Variants in EMC2 observed in about 807,000 individuals in gnomAD.
The protein encoded by EMC2 is TPR repeat protein 35.
In EMC2, 37 loss-of-function variants were observed where a neutral mutation model predicts 51.6. The ratio of observed to expected loss-of-function variants is 0.72; its 90% CI spans 0.55 to 0.94. The LOEUF is 0.94. EMC2 is among the 40% of genes least tolerant of loss of function. The probability of loss-of-function intolerance (pLI) is 0.00; values close to 1 mark genes in which losing one functional copy is unlikely to be tolerated. For missense variants in EMC2, 359 were observed against 350.9 expected (o/e 1.02, Z -0.18); for synonymous variants, 131 against 112.4 (o/e 1.17, Z -1.04).
In EMC2 at chr8:108,488,265, G is replaced by A. The variant is rs1291847573; in HGVS notation, c.*1667G>A. On this transcript the variant is annotated 3_prime_UTR_variant, in exon 11 of 11. Transcript: ENST00000220853. ...CTGCAACCTCCTCCCGGGTTCAAGCGATTCTTGTGCCTCAGCCTCTGAGTA... is the reference window on the plus strand; with the variant it reads ...CTGCAACCTCCTCCCGGGTTCAAGCAATTCTTGTGCCTCAGCCTCTGAGTA... Among the ~76,000 whole-genome samples the A allele has an allele frequency of 1.3e-5, 2 of 151,276 alleles. No homozygotes were observed. The highest frequency in any genetic ancestry group is 2.9e-5 in the Non-Finnish European group (2 of 67,858).
intron 10 of EMC2, among the ~76,000 whole-genome samples, chr8:108,479,594 T>C (rs1399026078): frequency 6.6e-6 from 1 of 152,186 alleles, no homozygotes; most frequent in East Asian, 1.9e-4. Context: ...AAGTTCGTCC[T>C]TAGCAGATTT....
chr8:108,486,503 TTTAA>T lies in EMC2; in HGVS notation c.808-5_808-2del. On this transcript the variant is annotated splice_polypyrimidine_tract_variant and splice_region_variant and intron_variant, in intron 10 of 10. Coordinates refer to ENST00000220853, the MANE Select transcript of EMC2 (RefSeq NM_014673.5). ...CCTAATTGAGCTTTTTTTTTTTTTT[TTTAA>T]TTAGTTTGCAGGTCGAAGTAAGAAG... The T allele has an allele frequency of 6.5e-7, 1 of 1,550,342 alleles. No homozygotes were observed. The highest frequency in any genetic ancestry group is 8.6e-7 in the Non-Finnish European group (1 of 1,156,702).
intron 5 of EMC2, among the ~76,000 whole-genome samples, chr8:108,457,565 C>T (rs977374652): frequency 2.0e-5 from 3 of 152,118 alleles, no homozygotes; most frequent in Admixed American, 6.6e-5. Context: ...TAGATGACAG[C>T]AGGCAAAGAG....
intron 5 of EMC2, among the ~76,000 whole-genome samples, chr8:108,465,727 A>G (rs2130377900): frequency 6.6e-6 from 1 of 152,360 alleles, no homozygotes; most frequent in Middle Eastern, 3.4e-3. Flanking sequence ...TTGGCTAAAA[A>G]TCTTCTAAAC....
At chr8:108,485,560 C>T (rs1811123975) in intron 10 of EMC2, among the ~76,000 whole-genome samples, 2 of 139,238 alleles carry the variant, frequency 1.4e-5, no homozygotes, top group Admixed American at 1.5e-4. Flanking sequence ...TATATACACA[C>T]ACACACACAT....
intron 5 of EMC2, among the ~76,000 whole-genome samples, chr8:108,457,401 C>T (rs1023824018): frequency 6.7e-6 from 1 of 149,406 alleles, no homozygotes; most frequent in East Asian, 2.0e-4. Flanking sequence ...TTCATGCTGT[C>T]TATGTATTAG....
At chr8:108,444,237 C>T (rs1265428916) in intron 1 of EMC2, among the ~76,000 whole-genome samples, 5 of 152,174 alleles carry the variant, frequency 3.3e-5, no homozygotes, top group African/African-American at 1.2e-4. Context: ...TTAGTCTAGT[C>T]TCTGTCCCAC....
Position 108,475,914 on chromosome 8 carries a change from T to A in EMC2, c.542T>A (p.Leu181Gln). The A allele has an allele frequency of 6.2e-7, 1 of 1,601,410 alleles. No individual in the cohort carries two copies. Among genetic ancestry groups the A allele is most frequent in the Non-Finnish European group, 8.5e-7 (1 of 1,173,218 alleles). ...YAKAAFCLEE[L>Q]MMTNPHNHLY... ...AAAGCAGCCTTTTGTTTAGAGGAAC[T>A]AATGATGACTAATCCACACAACCAC... Residue 181 changes from leucine (L) to glutamine (Q), a missense_variant, in exon 8 of 11, where the codon CTA becomes CAA. Physicochemically the swap from Leu to Gln is moderately radical, Grantham distance 113. Coordinates refer to ENST00000220853, the MANE Select transcript of EMC2 (RefSeq NM_014673.5).
intron 7 of EMC2, among the ~76,000 whole-genome samples, chr8:108,472,005 C>CGA (rs1810866754): frequency 6.6e-6 from 1 of 151,780 alleles, no homozygotes. Flanking sequence ...TTCATTTTTA[C>CGA]GAGCTCTTTT....
At chr8:108,471,281 G>A (rs1264988599) in intron 7 of EMC2, among the ~76,000 whole-genome samples, 2 of 151,834 alleles carry the variant, frequency 1.3e-5, no homozygotes, top group East Asian at 3.9e-4. Flanking sequence ...TTAGAGTATA[G>A]TAAAAATAAT....
chr8:108,456,848 C>T (rs1285926083), intron 5 of EMC2, among the ~76,000 whole-genome samples: 1 of 152,122 alleles, frequency 6.6e-6, no homozygotes, highest in Admixed American at 6.5e-5. Context: ...TATTTCCACG[C>T]ACACATATGC....
chr8:108,444,396 C>T (rs1422734442), intron 1 of EMC2, among the ~76,000 whole-genome samples: 1 of 152,100 alleles, frequency 6.6e-6, no homozygotes, highest in African/African-American at 2.4e-5. Flanking sequence ...CTTAGTTGAT[C>T]TAGAGTGGGA....
chr8:108,459,703 T>TGAGAGAGA (rs71303985), intron 5 of EMC2, among the ~76,000 whole-genome samples: 25,765 of 125,810 alleles, frequency 0.2, 2,991 homozygotes, highest in East Asian at 0.27. Context: ...CCAAGCCATG[T>TGAGAGAGA]GAGAGAGAGA....
intron 10 of EMC2, among the ~76,000 whole-genome samples, chr8:108,481,955 TG>T (rs1270864063): frequency 6.6e-6 from 1 of 152,246 alleles, no homozygotes; most frequent in Non-Finnish European, 1.5e-5. Context: ...ATTTTCTGTT[TG>T]GGCTATTTTG....
intron 10 of EMC2, among the ~76,000 whole-genome samples, chr8:108,483,469 T>G (rs1184731435): frequency 6.6e-6 from 1 of 152,220 alleles, no homozygotes; most frequent in Non-Finnish European, 1.5e-5. Flanking sequence ...GCTATAACTT[T>G]GTATAAATGA....
At chr8:108,473,402 T>G (rs1297782513) in intron 7 of EMC2, among the ~76,000 whole-genome samples, 2 of 152,046 alleles carry the variant, frequency 1.3e-5, no homozygotes, top group Non-Finnish European at 2.9e-5. Context: ...TTGGGATTTT[T>G]GCGTTAGGGA....
intron 5 of EMC2, among the ~76,000 whole-genome samples, chr8:108,462,631 C>T (rs1819356643): frequency 6.6e-6 from 1 of 152,176 alleles, no homozygotes; most frequent in Non-Finnish European, 1.5e-5. Context: ...CATATCCTGC[C>T]ACGTGGTATA....
chr8:108,473,941 T>C (rs373386546), intron 7 of EMC2: 1 of 152,062 alleles, frequency 6.6e-6, no homozygotes, highest in Admixed American at 6.6e-5. Flanking sequence ...GTACTGGCTA[T>C]GTATTATCCC....
At chr8:108,469,665 A>C (rs931366630) in intron 5 of EMC2, among the ~76,000 whole-genome samples, 161 bp from the exon 6 acceptor site, 1 of 152,224 alleles carries the variant, frequency 6.6e-6, no homozygotes, top group African/African-American at 2.4e-5. Flanking sequence ...TGAATTCCCC[A>C]GTGGGATGTC....
Sources: allele counts gnomAD v4.1 joint callset (sites outside exome capture counted in the v4.1 genomes callset), GRCh38; gene constraint gnomAD v4.1.1; transcripts MANE v1.5; gene names NCBI Gene and HGNC (gene_info 2026-07-23, HGNC 2026-07-21).